The following EPHA6 variants were observed in gnomAD, a reference collection of about 807,000 sequenced individuals.
EPHA6 encodes ephrin type-A receptor 6.
A neutral mutation model predicts 112.0 loss-of-function variants in EPHA6; 50 were observed. The observed-to-expected ratio is 0.45, with a 90% CI of 0.36 to 0.56. The LOEUF (loss-of-function observed/expected upper bound fraction) is 0.56. EPHA6 is among the 20% of genes least tolerant of loss of function. The pLI, the probability that EPHA6 is intolerant of heterozygous loss-of-function variation, is 0.00. For missense variants in EPHA6, 1,280 were observed against 1,417.4 expected (o/e 0.90, Z 1.56); for synonymous variants, 529 against 490.7 (o/e 1.08, Z -1.03).
intron 5 of EPHA6, among the ~76,000 whole-genome samples, chr3:97,288,566 G>A (rs923465796): frequency 3.3e-5 from 5 of 152,122 alleles, no homozygotes; most frequent in Admixed American, 2.6e-4. Context: ...TATCTTTTTA[G>A]TAGAATGAAT....
At chr3:96,926,748 T>A (rs1022121353) in intron 2 of EPHA6, among the ~76,000 whole-genome samples, 2 of 152,226 alleles carry the variant, frequency 1.3e-5, no homozygotes, top group African/African-American at 4.8e-5. Context: ...GACATGCTGA[T>A]GCAAGGGGTG....
intron 2 of EPHA6, among the ~76,000 whole-genome samples, chr3:96,887,015 T>G (rs988814525): frequency 3.3e-5 from 5 of 152,302 alleles, no homozygotes; most frequent in Admixed American, 3.3e-4. Flanking sequence ...TTCATTGCAT[T>G]GGGGTTCGCC....
chr3:97,328,025 ATATGTGT>A (rs1398808042), intron 5 of EPHA6, among the ~76,000 whole-genome samples: 2 of 128,760 alleles, frequency 1.6e-5, no homozygotes, highest in African/African-American at 6.2e-5. Context: ...GTATATATGT[ATATGTGT>A]ATATATACAC....
chr3:97,149,866 A>G (rs1462371066), intron 3 of EPHA6, among the ~76,000 whole-genome samples: 2 of 149,610 alleles, frequency 1.3e-5, no homozygotes, highest in African/African-American at 2.4e-5. Flanking sequence ...ATAATACATT[A>G]TATGCATTAT....
At chr3:97,543,220 G>A (rs2092892229) in intron 11 of EPHA6, among the ~76,000 whole-genome samples, 2 of 152,100 alleles carry the variant, frequency 1.3e-5, no homozygotes, top group South Asian at 4.1e-4. Context: ...GGGTTTTTAT[G>A]GTTTTAGGTC....
chr3:97,304,104 C>T (rs1029063295), intron 5 of EPHA6, among the ~76,000 whole-genome samples: 8 of 151,928 alleles, frequency 5.3e-5, no homozygotes, highest in African/African-American at 1.9e-4. Flanking sequence ...TATCCTGAGA[C>T]TTTGCTGAAG....
chr3:97,596,981 T>A (rs541274149), intron 12 of EPHA6, among the ~76,000 whole-genome samples: 1 of 148,482 alleles, frequency 6.7e-6, no homozygotes, highest in East Asian at 2.0e-4. Context: ...GGAATATATA[T>A]ATATGGAATA....
intron 14 of EPHA6, among the ~76,000 whole-genome samples, chr3:97,654,253 AT>A (rs929714051): frequency 6.6e-6 from 1 of 151,974 alleles, no homozygotes; most frequent in Non-Finnish European, 1.5e-5. Context: ...TATATAGATA[AT>A]TTTTTGTCAG....
At chr3:97,231,677 C>T (rs2078529026) in intron 4 of EPHA6, among the ~76,000 whole-genome samples, 1 of 151,996 alleles carries the variant, frequency 6.6e-6, no homozygotes, top group South Asian at 2.1e-4. Flanking sequence ...GGAGAAAGTT[C>T]CTCTGAGGTC....
intron 5 of EPHA6, among the ~76,000 whole-genome samples, chr3:97,271,647 C>T (rs7617182): frequency 0.99 from 151,547 of 152,370 alleles, 75,371 homozygotes; most frequent in East Asian, 1. Flanking sequence ...CATGAGCCAC[C>T]GCACCCATCC....
At chr3:97,437,009 TG>T (rs2089880364) in intron 6 of EPHA6, among the ~76,000 whole-genome samples, 2 of 152,146 alleles carry the variant, frequency 1.3e-5, no homozygotes, top group Non-Finnish European at 2.9e-5. Context: ...AATACAAATT[TG>T]TAAACTTTCT....
intron 5 of EPHA6, among the ~76,000 whole-genome samples, chr3:97,401,780 A>G (rs1403111789): frequency 1.3e-5 from 2 of 151,470 alleles, no homozygotes; most frequent in East Asian, 3.9e-4. Flanking sequence ...TAATATTTCT[A>G]CTTTTTAAAT....
intron 3 of EPHA6, among the ~76,000 whole-genome samples, chr3:97,169,064 T>C (rs1184826083): frequency 6.6e-6 from 1 of 152,162 alleles, no homozygotes; most frequent in African/African-American, 2.4e-5. Context: ...TTCGCAACAC[T>C]TGTGTGTCAC....
chr3:97,531,923 G>A (rs1027416862), intron 10 of EPHA6, among the ~76,000 whole-genome samples: 1 of 151,936 alleles, frequency 6.6e-6, no homozygotes, highest in Admixed American at 6.6e-5. Context: ...AACTGTCAAT[G>A]ACGCCCAGTC....
intron 6 of EPHA6, among the ~76,000 whole-genome samples, chr3:97,442,687 A>T (rs1381750181): frequency 6.6e-6 from 1 of 152,166 alleles, no homozygotes; most frequent in African/African-American, 2.4e-5. Context: ...GAGCTTGAGA[A>T]TCCACATTAG....
At chr3:97,043,947 C>G (rs745379382) in intron 3 of EPHA6, among the ~76,000 whole-genome samples, 22 of 152,152 alleles carry the variant, frequency 1.4e-4, no homozygotes, top group Non-Finnish European at 2.6e-4. Context: ...CAAATATATG[C>G]AGAACTAAAA....
chr3:96,979,738 C>T (rs1286807284), intron 2 of EPHA6, among the ~76,000 whole-genome samples: 1 of 152,128 alleles, frequency 6.6e-6, no homozygotes, highest in Admixed American at 6.5e-5. Flanking sequence ...TTAATGATTG[C>T]CATTCTAACT....
chr3:97,435,504 T>C (rs1261752769), intron 6 of EPHA6, among the ~76,000 whole-genome samples: 1 of 152,186 alleles, frequency 6.6e-6, no homozygotes, highest in Non-Finnish European at 1.5e-5. Context: ...GAATCTGGAC[T>C]ATGCATTGAG....
chr3:97,597,161 T>C (rs1356692016), intron 12 of EPHA6, among the ~76,000 whole-genome samples: 2 of 151,948 alleles, frequency 1.3e-5, no homozygotes, highest in Non-Finnish European at 2.9e-5. Flanking sequence ...ATTTCCTTTG[T>C]GGTTAATCGT....
Sources: allele counts gnomAD v4.1 joint callset (sites outside exome capture counted in the v4.1 genomes callset), GRCh38; gene constraint gnomAD v4.1.1; transcripts MANE v1.5; gene names NCBI Gene and HGNC (gene_info 2026-07-23, HGNC 2026-07-21).